Variants in NAALADL2 observed in about 807,000 individuals in gnomAD.
The protein encoded by NAALADL2 is N-acetylated alpha-linked acidic dipeptidase like 2.
A neutral mutation model predicts 87.2 loss-of-function variants in NAALADL2; 76 were observed. That is an observed-to-expected ratio of 0.87 (90% CI 0.72 to 1.05). NAALADL2 has a LOEUF of 1.05. Ranked by LOEUF, NAALADL2 falls within the 50% of genes least tolerant of loss-of-function variation. The probability of loss-of-function intolerance (pLI) is 0.00; values close to 1 mark genes in which losing one functional copy is unlikely to be tolerated. For synonymous variants in NAALADL2, 354 were observed against 331.0 expected (o/e 1.07, Z -0.75); for missense variants, 1,089 against 945.8 (o/e 1.15, Z -1.99).
intron 5 of NAALADL2, among the ~76,000 whole-genome samples, chr3:175,375,018 A>G (rs963409690): frequency 6.6e-5 from 10 of 152,158 alleles, no homozygotes; most frequent in African/African-American, 2.4e-4. Context: ...AAGTTAGCCA[A>G]CAGTATTTAC....
chr3:175,211,636 A>G (rs966106520), intron 2 of NAALADL2, among the ~76,000 whole-genome samples: 4 of 151,958 alleles, frequency 2.6e-5, no homozygotes, highest in African/African-American at 9.7e-5. Flanking sequence ...AAATGTTGGC[A>G]TCATTAAGGT....
intron 2 of NAALADL2, among the ~76,000 whole-genome samples, chr3:175,162,980 G>C (rs1317929910): frequency 1.3e-5 from 2 of 152,086 alleles, no homozygotes; most frequent in Non-Finnish European, 2.9e-5. Flanking sequence ...TACATAGCCT[G>C]GAACTAATCA....
chr3:175,405,893 T>C (rs1315600499), intron 5 of NAALADL2, among the ~76,000 whole-genome samples: 1 of 152,244 alleles, frequency 6.6e-6, no homozygotes, highest in Non-Finnish European at 1.5e-5. Flanking sequence ...TTTTTTATTC[T>C]TGATTCTAGA....
intron 9 of NAALADL2, among the ~76,000 whole-genome samples, chr3:175,562,061 T>C (rs1716358219): frequency 6.6e-6 from 1 of 152,220 alleles, no homozygotes; most frequent in Non-Finnish European, 1.5e-5. Context: ...AGTCTGTATT[T>C]GATCTGACTC....
At chr3:175,274,445 T>C (rs1753292126) in intron 4 of NAALADL2, among the ~76,000 whole-genome samples, 2 of 152,226 alleles carry the variant, frequency 1.3e-5, no homozygotes, top group Non-Finnish European at 2.9e-5. Context: ...TTTCAAACTT[T>C]AATGTCAGTC....
intron 2 of NAALADL2, among the ~76,000 whole-genome samples, chr3:174,685,578 C>G (rs535027280): frequency 6.6e-6 from 1 of 151,984 alleles, no homozygotes; most frequent in Non-Finnish European, 1.5e-5. Context: ...GGTTTGGTGA[C>G]GATGTTATAA....
At chr3:174,829,578 G>A (rs571186652) in intron 3 of NAALADL2, among the ~76,000 whole-genome samples, 5,379 of 128,860 alleles carry the variant, frequency 0.042, 84 homozygotes, top group Middle Eastern at 0.094. Context: ...ATAAACATAC[G>A]TGTGCATGTG....
chr3:175,012,023 A>G lies in NAALADL2; in HGVS notation c.44-84767A>G, dbSNP rs186328457. ...AGGAAAAGCACAAGAGAAAGAATGT[A>G]TGGCAATGCCAGCAAAATTAATGAA... is the stretch of plus-strand genomic sequence containing the variant. On this transcript the variant is annotated intron_variant, in intron 1 of 13. Transcript: ENST00000454872. Among the ~76,000 whole-genome samples the G allele has an allele frequency of 4.1e-3, 631 of 152,326 alleles. 2 individuals are homozygous for G. Among genetic ancestry groups the G allele is most frequent in the Middle Eastern group, 0.017 (5 of 292 alleles).
At chr3:174,725,005 G>C (rs1446554327) in intron 2 of NAALADL2, among the ~76,000 whole-genome samples, 1 of 152,188 alleles carries the variant, frequency 6.6e-6, no homozygotes, top group Non-Finnish European at 1.5e-5. Context: ...CTGATTCATG[G>C]AGGTAGTTTC....
chr3:175,121,180 CT>C (rs1367841474), intron 2 of NAALADL2, among the ~76,000 whole-genome samples: 1 of 151,834 alleles, frequency 6.6e-6, no homozygotes, highest in Non-Finnish European at 1.5e-5. Context: ...TTACTTTATG[CT>C]TGTTTGAGGG....
rs114020013 is a variant in NAALADL2, at chr3:175,728,887, C to T, written c.1897-8419C>T. Among the ~76,000 whole-genome samples the T allele has an allele frequency of 5.6e-3, 845 of 152,242 alleles. 7 individuals carry two copies. The highest frequency in any genetic ancestry group is 0.013 in the South Asian group (63 of 4,826). On this transcript the variant is annotated intron_variant, in intron 11 of 13. Transcript: ENST00000454872. ...AACTGAGAATTCTGTTTCAGTCACACCGGTTTCTTGTTTCTCTAAAAAATC... is the reference window on the plus strand; with the variant it reads ...AACTGAGAATTCTGTTTCAGTCACATCGGTTTCTTGTTTCTCTAAAAAATC...
chr3:175,236,180 G>A (rs1214144901), intron 3 of NAALADL2, among the ~76,000 whole-genome samples: 1 of 152,050 alleles, frequency 6.6e-6, no homozygotes, highest in Admixed American at 6.6e-5. Context: ...CATAATAAGG[G>A]AAACATGGGA....
intron 12 of NAALADL2, among the ~76,000 whole-genome samples, chr3:175,752,605 C>T (rs950414250): frequency 2.0e-5 from 3 of 152,112 alleles, no homozygotes; most frequent in South Asian, 2.1e-4. Flanking sequence ...ACCTCATACA[C>T]TTGAAGTAAT....
chr3:175,274,241 G>A (rs1268634441), intron 4 of NAALADL2, among the ~76,000 whole-genome samples: 1 of 152,112 alleles, frequency 6.6e-6, no homozygotes, highest in African/African-American at 2.4e-5. Flanking sequence ...CAGATCTCAT[G>A]AGACTTATTC....
chr3:175,289,882 A>G (rs982122053), intron 4 of NAALADL2, among the ~76,000 whole-genome samples: 1 of 152,330 alleles, frequency 6.6e-6, no homozygotes, highest in East Asian at 1.9e-4. Flanking sequence ...AAGGACTTAT[A>G]TCCAGAATAC....
intron 3 of NAALADL2, among the ~76,000 whole-genome samples, chr3:174,779,925 C>T (rs1488296961): frequency 6.6e-6 from 1 of 151,984 alleles, no homozygotes; most frequent in East Asian, 1.9e-4. Context: ...CAGCTTTGTT[C>T]TTTTGCTTAG....
At chr3:175,670,457 T>A (rs71629266) in intron 11 of NAALADL2, among the ~76,000 whole-genome samples, 4 of 143,996 alleles carry the variant, frequency 2.8e-5, no homozygotes, top group East Asian at 2.1e-4. Context: ...TAAATGTAAA[T>A]TTAATATATT....
intron 9 of NAALADL2, among the ~76,000 whole-genome samples, chr3:175,548,554 A>G (rs114107116): frequency 1.8e-3 from 277 of 152,054 alleles, no homozygotes; most frequent in Non-Finnish European, 2.8e-3. Flanking sequence ...AACTTAAAAT[A>G]AAAGTTAGAA....
intron 4 of NAALADL2, among the ~76,000 whole-genome samples, chr3:175,308,177 A>T (rs2110279420): frequency 6.6e-6 from 1 of 152,304 alleles, no homozygotes; most frequent in African/African-American, 2.4e-5. Context: ...TGATAAACCC[A>T]CATGGAAAGA....
Sources: gnomAD v4.1 joint callset for allele counts (sites outside exome capture counted in the v4.1 genomes callset) on GRCh38, gnomAD v4.1.1 for gene constraint, MANE v1.5 for transcripts, NCBI Gene and HGNC (gene_info 2026-07-23, HGNC 2026-07-21) for gene names.